Variants in CHSY1 observed in about 807,000 individuals in gnomAD.
CHSY1 encodes the protein chondroitin sulfate synthase 1.
Under a neutral mutation model 59.8 loss-of-function variants are expected in CHSY1, and 13 were observed. That is an observed-to-expected ratio of 0.22 (90% CI 0.14 to 0.35). The LOEUF (loss-of-function observed/expected upper bound fraction) is 0.35, where lower values mean the gene tolerates loss of function less well. Among genes scored for constraint, CHSY1 ranks in the 10% least tolerant of loss-of-function variants. CHSY1 has a pLI of 1.00. For synonymous variants in CHSY1, 459 were observed against 401.2 expected (o/e 1.14, Z -1.72); for missense variants, 947 against 1,030.6 (o/e 0.92, Z 1.11).
At chr15:101,233,984 C>T (rs528795635) in intron 2 of CHSY1, among the ~76,000 whole-genome samples, 7 of 152,222 alleles carry the variant, frequency 4.6e-5, no homozygotes, top group Non-Finnish European at 1.0e-4. Flanking sequence ...CTCCTCACAA[C>T]TGCCAGGAGT....
At chr15:101,226,987 C>T (rs1216762154) in intron 2 of CHSY1, among the ~76,000 whole-genome samples, 1 of 152,172 alleles carries the variant, frequency 6.6e-6, no homozygotes, top group Non-Finnish European at 1.5e-5. Context: ...TCCAAAAATC[C>T]TGTCTGCCCT....
intron 2 of CHSY1, among the ~76,000 whole-genome samples, chr15:101,227,249 G>A (rs887149666): frequency 1.3e-5 from 2 of 152,156 alleles, no homozygotes; most frequent in Admixed American, 6.5e-5. Context: ...AGAGGGGCTG[G>A]AGCTCCTTCA....
intron 2 of CHSY1, among the ~76,000 whole-genome samples, chr15:101,180,270 T>G (rs2038259065): frequency 6.6e-6 from 1 of 152,202 alleles, no homozygotes; most frequent in African/African-American, 2.4e-5. Context: ...AGGGCTAACC[T>G]CTACCTCCTG....
intron 2 of CHSY1, among the ~76,000 whole-genome samples, chr15:101,196,229 C>CAA (rs533785067): frequency 9.9e-4 from 80 of 81,058 alleles, no homozygotes; most frequent in African/African-American, 3.3e-3. Context: ...GAAGCAGTCT[C>CAA]AAAAAAAAAA....
At chr15:101,226,376 C>A (rs77794982) in intron 2 of CHSY1, among the ~76,000 whole-genome samples, 1 of 152,190 alleles carries the variant, frequency 6.6e-6, no homozygotes, top group Non-Finnish European at 1.5e-5. Context: ...ATAACGTAGA[C>A]AATTTTTACC....
chr15:101,241,688 CTA>C (rs1188984537), intron 1 of CHSY1, among the ~76,000 whole-genome samples: 3 of 152,220 alleles, frequency 2.0e-5, no homozygotes, highest in African/African-American at 7.2e-5. Context: ...CCCAAAATCA[CTA>C]TTACATGTGC....
chr15:101,179,281 A>G (rs1247745353), intron 2 of CHSY1, among the ~76,000 whole-genome samples: 2 of 152,202 alleles, frequency 1.3e-5, no homozygotes, highest in Non-Finnish European at 2.9e-5. Flanking sequence ...GCACCACAGG[A>G]GCATGCCTGA....
chr15:101,250,100 G>A (rs1436647849), intron 1 of CHSY1, among the ~76,000 whole-genome samples: 1 of 152,162 alleles, frequency 6.6e-6, no homozygotes, highest in East Asian at 1.9e-4. Flanking sequence ...AAGTGTAAAG[G>A]TATTGGTTAT....
chr15:101,211,937 G>T (rs900614713), intron 2 of CHSY1, among the ~76,000 whole-genome samples: 1 of 146,106 alleles, frequency 6.8e-6, no homozygotes, highest in African/African-American at 2.6e-5. Flanking sequence ...AAAAAAAAAA[G>T]TAGGTGGCTT....
At chr15:101,237,607 A>G (rs2038959755) in intron 1 of CHSY1, among the ~76,000 whole-genome samples, 1 of 152,054 alleles carries the variant, frequency 6.6e-6, no homozygotes, top group African/African-American at 2.4e-5. Context: ...TAAAGGGTGT[A>G]AGAGACAACG....
At chr15:101,241,147 G>C (rs2038997550) in intron 1 of CHSY1, among the ~76,000 whole-genome samples, 1 of 152,170 alleles carries the variant, frequency 6.6e-6, no homozygotes, top group Non-Finnish European at 1.5e-5. Context: ...CCAGGCTGGA[G>C]TGCAACAGCG....
At chr15:101,223,590 G>GATTTAGTGCTGAT in intron 2 of CHSY1, among the ~76,000 whole-genome samples, 2 of 144,166 alleles carry the variant, frequency 1.4e-5, no homozygotes, top group Non-Finnish European at 1.5e-5. Flanking sequence ...TGGGACTCAG[G>GATTTAGTGCTGAT]CCTCGTCTAC....
rs535069207 is a variant in CHSY1 at position 101,178,849 on chromosome 15, G to A, written c.948C>T (p.His316=). 4.0e-5 allele frequency: 64 copies of A among 1,614,246 alleles called. No homozygotes were observed. The South Asian group carries it at 6.3e-4, about 16-fold the overall frequency. Residue 316 remains histidine, a synonymous_variant, in exon 3 of 3, where the codon CAC becomes CAT. Transcript: ENST00000254190. ...ATATCTTGCGGCTCAGCATGTAGCT[G>A]TGGAGCCTGTACTGGTAGGGTGGGT... ...NKNPPYQYRL[H]SYMLSRKISE... is the part of the protein sequence containing the mutation.
intron 2 of CHSY1, among the ~76,000 whole-genome samples, chr15:101,217,087 A>G (rs561458640): frequency 9.8e-5 from 15 of 152,352 alleles, no homozygotes; most frequent in African/African-American, 3.4e-4. Context: ...ACTGTACTCT[A>G]TTTGCTGAAG....
rs2038228539 is a variant in CHSY1, at chr15:101,178,480, C to G, written c.1317G>C (p.Val439=). The change falls in exon 3 of 3, where the codon GTG becomes GTC. Residue 439 remains valine, a synonymous_variant. Coordinates refer to ENST00000254190, the MANE Select transcript of CHSY1 (RefSeq NM_014918.5). ...FKEIQYGYRR[V]NPMYGAEYIL... ...TGTACTCAGCCCCATACATGGGGTT[C>G]ACCCGGCGGTAGCCGTACTGGATCT... The G allele has an allele frequency of 6.2e-7, 1 of 1,614,232 alleles. No individual in the cohort carries two copies. Among genetic ancestry groups the G allele is most frequent in the East Asian group, 2.2e-5 (1 of 44,880 alleles).
intron 1 of CHSY1, among the ~76,000 whole-genome samples, chr15:101,236,768 C>T (rs1016026165): frequency 1.3e-5 from 2 of 151,984 alleles, no homozygotes; most frequent in African/African-American, 2.4e-5. Context: ...AAGCTTGCAG[C>T]GAGCCGAGAT....
Position 101,176,392 on chromosome 15 carries a change from G to A in CHSY1, c.*996C>T. The A allele has an allele frequency of 5.0e-6, 2 of 398,528 alleles. No individual in the cohort carries two copies. Among genetic ancestry groups the A allele is most frequent in the African/African-American group, 2.1e-5 (1 of 48,722 alleles). The allele number at this position is 398,528 out of a possible 1,614,324, so 24.7% of individuals were successfully genotyped here. A position where few individuals can be genotyped will look rare whatever the true frequency, so the allele number is the denominator to read the frequency against. On this transcript the variant is annotated 3_prime_UTR_variant, in exon 3 of 3. Coordinates refer to ENST00000254190, the MANE Select transcript of CHSY1 (RefSeq NM_014918.5). Reference sequence around the variant, plus strand: ...TGTATGTGTGTATGTTTCAGTCTGTGTACATCAGATTTATTGTAATAATTC... The same window carrying A: ...TGTATGTGTGTATGTTTCAGTCTGTATACATCAGATTTATTGTAATAATTC...
At chr15:101,224,068 G>A (rs1021375241) in intron 2 of CHSY1, among the ~76,000 whole-genome samples, 7 of 152,224 alleles carry the variant, frequency 4.6e-5, no homozygotes, top group African/African-American at 1.4e-4. Flanking sequence ...GTAACATGCT[G>A]TACAGGTTTG....
chr15:101,188,043 C>T, intron 2 of CHSY1: 2 of 985,460 alleles, frequency 2.0e-6, no homozygotes, highest in Non-Finnish European at 2.4e-6. Flanking sequence ...GCAAGGAGAG[C>T]CAACATTCTC....
Sources: allele counts gnomAD v4.1 joint callset (sites outside exome capture counted in the v4.1 genomes callset), GRCh38; gene constraint gnomAD v4.1.1; transcripts MANE v1.5; gene names NCBI Gene and HGNC (gene_info 2026-07-23, HGNC 2026-07-21).